Variants in CNOT10 observed in about 807,000 individuals in gnomAD.
The protein encoded by CNOT10 is CCR4-NOT transcription complex, subunit 10.
Under a neutral mutation model 94.6 loss-of-function variants are expected in CNOT10, and 30 were observed. That is an observed-to-expected ratio of 0.32 (90% confidence interval 0.24 to 0.43). The LOEUF (loss-of-function observed/expected upper bound fraction) is 0.43, where lower values mean the gene tolerates loss of function less well. Among genes scored for constraint, CNOT10 ranks in the 20% least tolerant of loss-of-function variants. The pLI is 1.00. For synonymous variants in CNOT10, 289 were observed against 301.6 expected, an observed-to-expected ratio of 0.96 and a Z score of 0.43; for missense variants, 759 against 877.2, an observed-to-expected ratio of 0.87 and a Z score of 1.70.
intron 1 of CNOT10, among the ~76,000 whole-genome samples, chr3:32,691,500 T>G (rs1399551230): frequency 6.6e-6 from 1 of 152,076 alleles, no homozygotes; most frequent in Non-Finnish European, 1.5e-5. Context: ...AGAGACGTGG[T>G]TTGACCATGT....
At chr3:32,742,438 A>G (rs959015462) in intron 13 of CNOT10, among the ~76,000 whole-genome samples, 5 of 151,856 alleles carry the variant, frequency 3.3e-5, no homozygotes, top group Non-Finnish European at 5.9e-5. Context: ...CTGGAGTGCA[A>G]TGGAAGGAAC....
chr3:32,698,519 G>C (rs1405032051), intron 1 of CNOT10, among the ~76,000 whole-genome samples: 1 of 152,066 alleles, frequency 6.6e-6, no homozygotes, highest in East Asian at 1.9e-4. Flanking sequence ...TTAAATTACA[G>C]ACATAAATAT....
chr3:32,693,399 G>A (rs1327885932), intron 1 of CNOT10: 4 of 151,046 alleles, frequency 2.6e-5, no homozygotes, highest in Non-Finnish European at 4.4e-5. Flanking sequence ...CTGTTTTTCT[G>A]TAGAGACAGG....
intron 1 of CNOT10, among the ~76,000 whole-genome samples, chr3:32,699,398 A>G (rs1335821300): frequency 6.6e-6 from 1 of 152,210 alleles, no homozygotes; most frequent in Non-Finnish European, 1.5e-5. Flanking sequence ...CTCTTGAAGA[A>G]TATTTATTTC....
At chr3:32,715,144 T>A (rs1396104740) in intron 5 of CNOT10, among the ~76,000 whole-genome samples, 3 of 152,162 alleles carry the variant, frequency 2.0e-5, no homozygotes, top group Non-Finnish European at 4.4e-5. Context: ...GGTACTAAGG[T>A]GACAAAAACA....
chr3:32,713,190 G>T (rs773786861), intron 4 of CNOT10, 37 bp from the exon 5 acceptor site: 7 of 1,534,394 alleles, frequency 4.6e-6, no homozygotes, highest in Admixed American at 4.8e-5. Context: ...TTTACTTTAG[G>T]TTGTGACTAT....
chr3:32,746,851 A>T (rs1559507609), intron 13 of CNOT10, among the ~76,000 whole-genome samples: 1 of 151,202 alleles, frequency 6.6e-6, no homozygotes, highest in South Asian at 2.1e-4. Context: ...AAAAAAAAAA[A>T]AAAAAAGATA....
At position 32,766,429 on chromosome 3, in the gene CNOT10, A is replaced by G. The variant is rs1218583147; in HGVS notation, c.2004+1620A>G. On this transcript the variant is annotated intron_variant, in intron 17 of 18. Coordinates refer to ENST00000328834, the MANE Select transcript of CNOT10 (RefSeq NM_015442.3). ...GGGCGGATCATGAGGTCAGGAGATC[A>G]AGACCATCCTGGCTAACACGGTGAA... is the stretch of plus-strand genomic sequence containing the variant. 4.2e-5 allele frequency among the ~76,000 whole-genome samples: 2 copies of G among 47,248 alleles called. 1 individual carries two copies. Among genetic ancestry groups the G allele is most frequent in the Non-Finnish European group, 9.4e-5 (2 of 21,272 alleles). 31.0% of individuals were successfully genotyped at this position (47,248 alleles called of 152,430 possible). A position where few individuals can be genotyped will look rare whatever the true frequency, so the allele number is the denominator to read the frequency against.
intron 13 of CNOT10, among the ~76,000 whole-genome samples, chr3:32,757,069 G>C (rs1214339963): frequency 7.3e-6 from 1 of 136,946 alleles, no homozygotes; most frequent in Non-Finnish European, 1.5e-5. Context: ...TTGCACCACT[G>C]CACTCCAGCC....
chr3:32,714,355 G>A (rs1698024634), intron 5 of CNOT10, among the ~76,000 whole-genome samples: 1 of 151,256 alleles, frequency 6.6e-6, no homozygotes, highest in South Asian at 2.1e-4. Flanking sequence ...TCCATAACCT[G>A]GATAAACACT....
At chr3:32,738,650 G>A (rs1378947180) in intron 13 of CNOT10, among the ~76,000 whole-genome samples, 4 of 151,846 alleles carry the variant, frequency 2.6e-5, no homozygotes, top group Non-Finnish European at 5.9e-5. Context: ...TTTTAGTAGA[G>A]ACAGGGTTTC....
intron 13 of CNOT10, among the ~76,000 whole-genome samples, chr3:32,739,298 T>G (rs1256162576): frequency 6.6e-6 from 1 of 152,228 alleles, no homozygotes; most frequent in East Asian, 1.9e-4. Flanking sequence ...GATTGATGTT[T>G]TCAGAGAATA....
intron 7 of CNOT10, among the ~76,000 whole-genome samples, chr3:32,719,542 G>T (rs1458533765): frequency 6.6e-6 from 1 of 152,184 alleles, no homozygotes; most frequent in African/African-American, 2.4e-5. Flanking sequence ...CCACCAGGAG[G>T]ATTCTTAGGA....
intron 13 of CNOT10, chr3:32,753,863 G>T: frequency 6.9e-7 from 1 of 1,444,064 alleles, no homozygotes; most frequent in Non-Finnish European, 9.7e-7. Context: ...AAGGAAAGTT[G>T]AAATCAATCC....
intron 1 of CNOT10, among the ~76,000 whole-genome samples, chr3:32,696,521 C>T (rs1224569497): frequency 6.6e-6 from 1 of 152,144 alleles, no homozygotes; most frequent in African/African-American, 2.4e-5. Flanking sequence ...TTATTGAGCT[C>T]AGTTCTGTGA....
intron 1 of CNOT10, among the ~76,000 whole-genome samples, chr3:32,692,392 A>C (rs181665563): frequency 2.4e-4 from 37 of 152,200 alleles, no homozygotes; most frequent in Non-Finnish European, 5.0e-4. Context: ...CACTGCACCC[A>C]GCTTTATCTC....
intron 2 of CNOT10, 58 bp downstream of exon 2, chr3:32,704,020 T>C: frequency 2.0e-6 from 2 of 1,018,300 alleles, no homozygotes; most frequent in Non-Finnish European, 2.9e-6. Flanking sequence ...AGTATGAATC[T>C]TTTCATAGTG....
intron 17 of CNOT10, chr3:32,769,635 G>C (rs990728259): frequency 3.4e-5 from 14 of 410,724 alleles, no homozygotes; most frequent in Non-Finnish European, 5.9e-5. Context: ...CAGCAGAATT[G>C]GATGGTTGAC....
intron 6 of CNOT10, among the ~76,000 whole-genome samples, chr3:32,716,533 A>G (rs1274676220): frequency 6.6e-6 from 1 of 152,248 alleles, no homozygotes; most frequent in Non-Finnish European, 1.5e-5. Flanking sequence ...AAAGTTTGAG[A>G]GAAATGGCAC....
Sources: gnomAD v4.1 joint callset for allele counts (sites outside exome capture counted in the v4.1 genomes callset) on GRCh38, gnomAD v4.1.1 for gene constraint, MANE v1.5 for transcripts, NCBI Gene and HGNC (gene_info 2026-07-23, HGNC 2026-07-21) for gene names.